Variants in PABPC4L observed in about 807,000 individuals in gnomAD.
PABPC4L encodes the protein polyadenylate-binding protein 4-like.
For missense variants in PABPC4L, 452 were observed against 451.4 expected (o/e 1.00, Z -0.01); for synonymous variants, 169 against 164.1 (o/e 1.03, Z -0.23).
the PABPC4L span, among the ~76,000 whole-genome samples, chr4:134,023,298 T>G: frequency 6.6e-6 from 1 of 152,154 alleles, no homozygotes; most frequent in African/African-American, 2.4e-5. Context: ...TAAACTTTTA[T>G]TGGAAGTTAT....
the PABPC4L span, among the ~76,000 whole-genome samples, chr4:134,126,218 GA>G: frequency 3.3e-5 from 5 of 152,016 alleles, no homozygotes; most frequent in African/African-American, 1.2e-4. Context: ...AGCTGAATTA[GA>G]TGTGCCCCTG....
chr4:134,113,206 C>A, the PABPC4L span, among the ~76,000 whole-genome samples: 4 of 151,694 alleles, frequency 2.6e-5, no homozygotes, highest in Non-Finnish European at 5.9e-5. Context: ...AGTCAGCTAA[C>A]GTTAAAGTTA....
At chr4:134,074,981 G>A in the PABPC4L span, among the ~76,000 whole-genome samples, 1 of 152,120 alleles carries the variant, frequency 6.6e-6, no homozygotes, top group Non-Finnish European at 1.5e-5. Flanking sequence ...TGTATTTTAA[G>A]ACAATTGAAA....
chr4:134,104,510 C>T, the PABPC4L span, among the ~76,000 whole-genome samples: 3 of 151,618 alleles, frequency 2.0e-5, no homozygotes, highest in Non-Finnish European at 4.4e-5. Context: ...TTGGAAAGCT[C>T]TGATCTTTGA....
chr4:133,984,026 T>A, the PABPC4L span, among the ~76,000 whole-genome samples: 1 of 151,810 alleles, frequency 6.6e-6, no homozygotes, highest in Middle Eastern at 3.2e-3. Flanking sequence ...TGCTGAAAGC[T>A]CTGATCCACT....
the PABPC4L span, among the ~76,000 whole-genome samples, chr4:134,131,551 C>T: frequency 8.6e-5 from 13 of 151,674 alleles, no homozygotes; most frequent in East Asian, 1.9e-3. Flanking sequence ...AATAACAGCA[C>T]AAACAAATGA....
At chr4:134,100,665 T>C in the PABPC4L span, among the ~76,000 whole-genome samples, 1 of 151,652 alleles carries the variant, frequency 6.6e-6, no homozygotes, top group Non-Finnish European at 1.5e-5. Flanking sequence ...CTGGGTTATA[T>C]AGTACTAGGA....
the PABPC4L span, among the ~76,000 whole-genome samples, chr4:133,970,673 T>G: frequency 6.6e-6 from 1 of 152,172 alleles, no homozygotes; most frequent in Admixed American, 6.5e-5. Flanking sequence ...AATTCATACG[T>G]TGAAATTCTA....
Position 134,200,113 on chromosome 4 carries a change from T to C in PABPC4L, c.907A>G (p.Thr303Ala). 1 of 1,551,640 alleles carries C rather than the reference T, an allele frequency of 6.4e-7. No individual in the cohort carries two copies. The part of the protein sequence containing the change: ...VKLYIKNLDD[T>A]IDDEKLRNEF... ...TTTCGTAGTTTTTCATCATCGATGGTGTCATCAAGGTTCTTAATATAGAGT... is the reference window on the plus strand; with the variant it reads ...TTTCGTAGTTTTTCATCATCGATGGCGTCATCAAGGTTCTTAATATAGAGT... The change falls in exon 2 of 2, where the codon ACC becomes GCC. Residue 303 changes from threonine (T) to alanine (A), a missense_variant. Physicochemically the swap from Thr to Ala is moderately conservative, Grantham distance 58. Transcript: ENST00000421491.
chr4:134,037,901 G>A, the PABPC4L span, among the ~76,000 whole-genome samples: 1 of 151,990 alleles, frequency 6.6e-6, no homozygotes, highest in East Asian at 1.9e-4. Context: ...GCCTTATGCC[G>A]GTTGTCAAAG....
chr4:134,163,923 G>T, the PABPC4L span, among the ~76,000 whole-genome samples: 1 of 151,984 alleles, frequency 6.6e-6, no homozygotes, highest in Non-Finnish European at 1.5e-5. Context: ...TCCCCACAAA[G>T]AACTGGAACA....
At chr4:134,059,584 T>C in the PABPC4L span, among the ~76,000 whole-genome samples, 3 of 151,178 alleles carry the variant, frequency 2.0e-5, no homozygotes, top group Non-Finnish European at 4.4e-5. Flanking sequence ...CATATGGCAC[T>C]GATGAAATAT....
At chr4:133,958,815 C>A in the PABPC4L span, among the ~76,000 whole-genome samples, 1 of 152,188 alleles carries the variant, frequency 6.6e-6, no homozygotes. Context: ...GATTCAATTA[C>A]CTCCCACTGA....
At chr4:134,039,348 C>T in the PABPC4L span, among the ~76,000 whole-genome samples, 1 of 151,974 alleles carries the variant, frequency 6.6e-6, no homozygotes, top group South Asian at 2.1e-4. Context: ...TCTGCTTGGT[C>T]CAAAGCTGAG....
chr4:134,200,508 C>G lies in PABPC4L; in HGVS notation c.512G>C (p.Arg171Thr). 1.3e-6 allele frequency: 2 copies of G among 1,551,644 alleles called. No homozygotes were observed. The highest frequency in any genetic ancestry group is 8.7e-7 in the Non-Finnish European group (1 of 1,146,974). ...TTCACGATCTTTTCGGTTTTTGAAT[C>G]TGCCAACAAACACCTTGCAGCCCTT... ...LLKGCKVFVG[R>T]FKNRKDREAE... The change falls in exon 2 of 2, where the codon AGA (arginine) becomes ACA (threonine). Residue 171 changes from arginine to threonine, a missense_variant. Arg to Thr is a moderately conservative substitution (Grantham distance 71, BLOSUM62 -1). Coordinates refer to ENST00000421491, the MANE Select transcript of PABPC4L (RefSeq NM_001114734.2).
At chr4:134,156,673 A>T in the PABPC4L span, among the ~76,000 whole-genome samples, 2 of 151,922 alleles carry the variant, frequency 1.3e-5, no homozygotes, top group African/African-American at 4.8e-5. Flanking sequence ...GTTAATAAAT[A>T]CTAGATCTAT....
the PABPC4L span, among the ~76,000 whole-genome samples, chr4:134,139,170 T>G: frequency 1.3e-5 from 2 of 151,984 alleles, no homozygotes; most frequent in African/African-American, 4.8e-5. Flanking sequence ...TAGTTAGCTT[T>G]GAAAATATGA....
At chr4:134,091,116 T>A in the PABPC4L span, among the ~76,000 whole-genome samples, 1 of 152,148 alleles carries the variant, frequency 6.6e-6, no homozygotes, top group Non-Finnish European at 1.5e-5. Context: ...GAGGTCATTA[T>A]GCATGTGAGT....
At chr4:134,167,355 G>C in the PABPC4L span, among the ~76,000 whole-genome samples, 1 of 151,920 alleles carries the variant, frequency 6.6e-6, no homozygotes. Flanking sequence ...CAGTTTTGCT[G>C]TGATCCTAAT....
Sources: gnomAD v4.1 joint callset for allele counts (sites outside exome capture counted in the v4.1 genomes callset) on GRCh38, gnomAD v4.1.1 for gene constraint, MANE v1.5 for transcripts, NCBI Gene and HGNC (gene_info 2026-07-23, HGNC 2026-07-21) for gene names.